TMC7: variants seen among roughly 807,000 people sequenced by gnomAD.
TMC7 encodes the protein transmembrane channel-like protein 7.
In TMC7, 54 loss-of-function variants were observed where a neutral mutation model predicts 82.9. That is an observed-to-expected ratio of 0.65 (90% CI 0.52 to 0.82). The LOEUF (loss-of-function observed/expected upper bound fraction) is 0.82. Ranked by LOEUF, TMC7 falls within the 40% of genes least tolerant of loss-of-function variation. The probability of loss-of-function intolerance (pLI) is 0.00; values close to 1 mark genes in which losing one functional copy is unlikely to be tolerated. For missense variants in TMC7, 820 were observed against 901.2 expected, an observed-to-expected ratio of 0.91 and a Z score of 1.15; for synonymous variants, 350 against 337.9, an observed-to-expected ratio of 1.04 and a Z score of -0.39.
intron 1 of TMC7, among the ~76,000 whole-genome samples, chr16:19,005,642 C>T (rs967111531): frequency 6.6e-6 from 1 of 152,206 alleles, no homozygotes; most frequent in Non-Finnish European, 1.5e-5. Context: ...GCCCCTGACC[C>T]CACAGCTGTT....
At chr16:19,001,754 T>A (rs929939291) in intron 1 of TMC7, among the ~76,000 whole-genome samples, 1 of 152,250 alleles carries the variant, frequency 6.6e-6, no homozygotes, top group East Asian at 1.9e-4. Context: ...ACTTAGGAGC[T>A]ATGTGGTGTT....
intron 13 of TMC7, among the ~76,000 whole-genome samples, chr16:19,053,302 A>G (rs1054062960): frequency 5.2e-5 from 5 of 96,696 alleles, no homozygotes; most frequent in Non-Finnish European, 1.1e-4. Flanking sequence ...TTTTTCATTA[A>G]TATTCTTTTT....
intron 1 of TMC7, among the ~76,000 whole-genome samples, chr16:18,988,045 TGCAGTCTCAAACTCCTA>T (rs780565049): frequency 9.9e-5 from 15 of 152,236 alleles, no homozygotes; most frequent in Non-Finnish European, 1.5e-4. Context: ...GGTTTCCTTC[TGCAGTCTCAAACTCCTA>T]GCCTTGATTG....
intron 1 of TMC7, among the ~76,000 whole-genome samples, chr16:18,986,391 A>G (rs1447958883): frequency 8.1e-6 from 1 of 122,974 alleles, no homozygotes; most frequent in Non-Finnish European, 1.6e-5. Flanking sequence ...ACTCTGTCTG[A>G]AAAAAAAAAA....
intron 4 of TMC7, 92 bp from the exon 5 acceptor site, chr16:19,023,021 G>GAACA (rs752199350): frequency 1.4e-4 from 104 of 742,162 alleles, no homozygotes; most frequent in South Asian, 6.1e-4. Context: ...CTCCATCTCA[G>GAACA]AACAAACAAA....
At chr16:18,985,486 AT>A (rs1567493941) in intron 1 of TMC7, among the ~76,000 whole-genome samples, 1 of 152,084 alleles carries the variant, frequency 6.6e-6, no homozygotes, top group Non-Finnish European at 1.5e-5. Flanking sequence ...CTAGTCAAGT[AT>A]TTTTTTAGTT....
At position 19,012,788 on chromosome 16, in the gene TMC7, C is replaced by CAA. The variant is rs139163132; in HGVS notation, c.311+3402_311+3403dup. 1.0e-3 allele frequency among the ~76,000 whole-genome samples: 67 copies of CAA among 66,636 alleles called. 3 individuals carry two copies. Among genetic ancestry groups the CAA allele is most frequent in the African/African-American group, 4.6e-3 (65 of 14,272 alleles). The allele number at this position is 66,636 out of a possible 152,430, so 43.7% of individuals were successfully genotyped here. Reference sequence around the variant, plus strand: ...TGGGCGACAGAGTGAGATTCCATCTCAAAAAAAAAAAAAAAAAAAAAAAAA... The same window carrying CAA: ...TGGGCGACAGAGTGAGATTCCATCTCAAAAAAAAAAAAAAAAAAAAAAAAAAA... On this transcript the variant is annotated intron_variant, in intron 2 of 15. Coordinates refer to ENST00000304381, the MANE Select transcript of TMC7 (RefSeq NM_024847.4).
chr16:18,999,956 G>A (rs1448337694), intron 1 of TMC7, among the ~76,000 whole-genome samples: 1 of 151,784 alleles, frequency 6.6e-6, no homozygotes, highest in African/African-American at 2.4e-5. Flanking sequence ...GTAGAGACGG[G>A]GTTTCACCAT....
chr16:18,984,461 C>T, intron 1 of TMC7: 1 of 1,130,606 alleles, frequency 8.8e-7, no homozygotes, highest in South Asian at 3.7e-5. Context: ...TTTGAGCACC[C>T]CCTCCACGCC....
chr16:19,047,631 A>G (rs4494519), intron 12 of TMC7, among the ~76,000 whole-genome samples: 130,877 of 150,216 alleles, frequency 0.87, 58,627 homozygotes, highest in Non-Finnish European at 0.97. Flanking sequence ...TTGTGACCTC[A>G]TGATCCACCC....
At chr16:18,999,933 A>T (rs912440807) in intron 1 of TMC7, among the ~76,000 whole-genome samples, 3 of 151,440 alleles carry the variant, frequency 2.0e-5, no homozygotes, top group Non-Finnish European at 4.4e-5. Flanking sequence ...CCTGCTAATT[A>T]TTTGTATTTT....
intron 7 of TMC7, among the ~76,000 whole-genome samples, chr16:19,037,046 A>G (rs1960779191): frequency 6.6e-6 from 1 of 152,160 alleles, no homozygotes; most frequent in Admixed American, 6.6e-5. Flanking sequence ...GCAAAGCCCA[A>G]TTGCAGTCTT....
At chr16:19,028,440 T>C (rs74903541) in intron 5 of TMC7, among the ~76,000 whole-genome samples, 1 of 152,122 alleles carries the variant, frequency 6.6e-6, no homozygotes, top group Admixed American at 6.6e-5. Context: ...CTTACTGTTC[T>C]TCTTCTTCAA....
At chr16:19,036,445 T>C (rs1390958600) in intron 7 of TMC7, among the ~76,000 whole-genome samples, 1 of 151,538 alleles carries the variant, frequency 6.6e-6, no homozygotes, top group Non-Finnish European at 1.5e-5. Context: ...GAGGCAGAGG[T>C]TGCAGTGAGC....
At chr16:19,033,801 C>T (rs367697016) in intron 6 of TMC7, 6 of 152,198 alleles carry the variant, frequency 3.9e-5, no homozygotes, top group Admixed American at 1.3e-4. Flanking sequence ...TGAGACCTAT[C>T]GAATTGAAAA....
intron 2 of TMC7, among the ~76,000 whole-genome samples, chr16:19,014,337 T>C (rs1266927961): frequency 6.6e-6 from 1 of 152,182 alleles, no homozygotes; most frequent in Non-Finnish European, 1.5e-5. Flanking sequence ...TTGCCTGATG[T>C]TCCTTGGGGG....
At chr16:19,010,016 T>TCCC in intron 2 of TMC7, among the ~76,000 whole-genome samples, 4 of 147,658 alleles carry the variant, frequency 2.7e-5, no homozygotes, top group Non-Finnish European at 6.0e-5. Context: ...CATTCCTCCC[T>TCCC]TCCTCCCTCC....
At chr16:19,015,139 T>A (rs1210916389) in intron 2 of TMC7, among the ~76,000 whole-genome samples, 2 of 151,988 alleles carry the variant, frequency 1.3e-5, no homozygotes, top group African/African-American at 4.8e-5. Flanking sequence ...AATTTTGGTA[T>A]TTTCAGTAGA....
At chr16:19,060,222 CA>C (rs1382763011) in intron 15 of TMC7, among the ~76,000 whole-genome samples, 2 of 151,872 alleles carry the variant, frequency 1.3e-5, no homozygotes, top group Admixed American at 1.3e-4. Context: ...TTTTTTTATT[CA>C]GGACGGGGTC....
Sources: gnomAD v4.1 joint callset for allele counts (sites outside exome capture counted in the v4.1 genomes callset) on GRCh38, gnomAD v4.1.1 for gene constraint, MANE v1.5 for transcripts, NCBI Gene and HGNC (gene_info 2026-07-23, HGNC 2026-07-21) for gene names.